Variants in PLXNA4 observed in about 807,000 individuals in gnomAD.
PLXNA4 encodes the protein plexin A4.
A neutral mutation model predicts 191.8 loss-of-function variants in PLXNA4; 44 were observed. The observed-to-expected ratio is 0.23, with a 90% CI of 0.18 to 0.29. PLXNA4 has a LOEUF of 0.29. Among genes scored for constraint, PLXNA4 ranks in the 10% least tolerant of loss-of-function variants. PLXNA4 has a pLI of 1.00. For synonymous variants in PLXNA4, 1,082 were observed against 1,009.5 expected, an observed-to-expected ratio of 1.07 and a Z score of -1.36; for missense variants, 1,800 against 2,488.8, an observed-to-expected ratio of 0.72 and a Z score of 5.89.
At chr7:132,575,084 C>T (rs1339157263) in intron 1 of PLXNA4, among the ~76,000 whole-genome samples, 1 of 152,182 alleles carries the variant, frequency 6.6e-6, no homozygotes, top group African/African-American at 2.4e-5. Context: ...AACACAGGAG[C>T]TTGTACATAT....
At chr7:132,531,670 C>G (rs1799619848) in intron 1 of PLXNA4, among the ~76,000 whole-genome samples, 1 of 152,186 alleles carries the variant, frequency 6.6e-6, no homozygotes, top group Non-Finnish European at 1.5e-5. Context: ...AAATCGAGTT[C>G]AGTTAAGAAC....
intron 1 of PLXNA4, among the ~76,000 whole-genome samples, chr7:132,519,335 G>A (rs1479347216): frequency 1.3e-5 from 2 of 152,184 alleles, no homozygotes; most frequent in African/African-American, 2.4e-5. Context: ...GGTCTTCAAA[G>A]GGGACCCAAT....
chr7:132,247,711 C>A (rs1799107544), intron 4 of PLXNA4, among the ~76,000 whole-genome samples: 1 of 152,146 alleles, frequency 6.6e-6, no homozygotes, highest in Admixed American at 6.5e-5. Context: ...GGCCAGGGAC[C>A]ACATAAAGGT....
chr7:132,613,847 GA>G (rs939294927), intron 2 of PLXNA4, among the ~76,000 whole-genome samples: 2 of 152,004 alleles, frequency 1.3e-5, no homozygotes, highest in Non-Finnish European at 2.9e-5. Flanking sequence ...TTAAATCCAG[GA>G]AAAAAAAGTA....
At chr7:132,546,568 G>C (rs563216067) in intron 1 of PLXNA4, among the ~76,000 whole-genome samples, 25 of 152,190 alleles carry the variant, frequency 1.6e-4, no homozygotes, top group Non-Finnish European at 3.5e-4. Context: ...GGAACAGAAG[G>C]GGGCAGGTGC....
At chr7:132,299,251 G>A (rs1801218768) in intron 3 of PLXNA4, among the ~76,000 whole-genome samples, 1 of 152,208 alleles carries the variant, frequency 6.6e-6, no homozygotes, top group African/African-American at 2.4e-5. Flanking sequence ...CGTAATTTTA[G>A]AGATTTCAAC....
chr7:132,293,689 T>C (rs760479342), intron 4 of PLXNA4, among the ~76,000 whole-genome samples: 2 of 152,204 alleles, frequency 1.3e-5, no homozygotes, highest in Non-Finnish European at 2.9e-5. Context: ...AGCACACATT[T>C]TCTACCACCA....
At chr7:132,387,377 A>G (rs188084600) in intron 3 of PLXNA4, among the ~76,000 whole-genome samples, 222 of 152,344 alleles carry the variant, frequency 1.5e-3, no homozygotes, top group Non-Finnish European at 2.3e-3. Context: ...CTCAACCTTC[A>G]CGATGTCTTT....
chr7:132,563,335 CCTT>C (rs1801438115), intron 1 of PLXNA4, among the ~76,000 whole-genome samples: 5 of 111,736 alleles, frequency 4.5e-5, no homozygotes, highest in South Asian at 3.6e-4. Context: ...TCCTCCTCCT[CCTT>C]CTCCTCCTCT....
chr7:132,270,261 T>C (rs1168269507), intron 4 of PLXNA4, among the ~76,000 whole-genome samples: 1 of 152,150 alleles, frequency 6.6e-6, no homozygotes, highest in African/African-American at 2.4e-5. Context: ...AAGTTATATA[T>C]ACCGCGGGAA....
chr7:132,597,168 C>A (rs544507186), intron 2 of PLXNA4, among the ~76,000 whole-genome samples: 1 of 152,270 alleles, frequency 6.6e-6, no homozygotes, highest in South Asian at 2.1e-4. Flanking sequence ...AATTATCATG[C>A]CTTTCCTTGC....
At chr7:132,273,696 G>A (rs975899579) in intron 4 of PLXNA4, among the ~76,000 whole-genome samples, 3 of 152,154 alleles carry the variant, frequency 2.0e-5, no homozygotes, top group Non-Finnish European at 4.4e-5. Context: ...CTTGCTATGA[G>A]ACTTCAGCTT....
chr7:132,567,091 C>G (rs1441557165), intron 1 of PLXNA4, among the ~76,000 whole-genome samples: 1 of 152,068 alleles, frequency 6.6e-6, no homozygotes, highest in Non-Finnish European at 1.5e-5. Context: ...TCCCCATGGC[C>G]CAATAACCTG....
chr7:132,145,149 G>A lies in PLXNA4; in HGVS notation c.5195C>T (p.Pro1732Leu), dbSNP rs777787885. Residue 1732 changes from proline (P) to leucine (L), a missense_variant, in exon 29 of 32, where the codon CCG becomes CTG. By Grantham distance (98) the Pro-to-Leu change is moderately conservative. This residue lies in a region of PLXNA4 where 101 missense variants were observed against 182.8 expected (regional missense o/e 0.55). Coordinates refer to ENST00000321063, the MANE Select transcript of PLXNA4 (RefSeq NM_020911.2). The part of the protein sequence containing the change: ...EQADKHGIHD[P>L]HVRHTWKSNC... ...GCTCTTCCAGGTATGGCGGACGTGC[G>A]GGTCATGAATGCCATGTTTATCAGC... is the stretch of plus-strand genomic sequence containing the variant. The A allele has an allele frequency of 1.8e-5, 29 of 1,613,972 alleles. No homozygotes were observed. Among genetic ancestry groups the A allele is most frequent in the African/African-American group, 4.0e-5 (3 of 74,888 alleles).
intron 8 of PLXNA4, among the ~76,000 whole-genome samples, chr7:132,224,709 C>T (rs1167513749): frequency 2.0e-5 from 3 of 152,184 alleles, no homozygotes; most frequent in Non-Finnish European, 4.4e-5. Flanking sequence ...GTGGTAAAGA[C>T]AGGGACAGCT....
At chr7:132,395,173 G>T (rs951935694) in intron 3 of PLXNA4, among the ~76,000 whole-genome samples, 5 of 152,216 alleles carry the variant, frequency 3.3e-5, no homozygotes, top group African/African-American at 1.2e-4. Flanking sequence ...AGGCATTCAG[G>T]TGTAGGTCTG....
chr7:132,413,862 A>T (rs1020274279), intron 3 of PLXNA4, among the ~76,000 whole-genome samples: 11 of 152,128 alleles, frequency 7.2e-5, no homozygotes, highest in Admixed American at 6.5e-4. Flanking sequence ...CATATCAACC[A>T]TCCAGTAAAC....
rs150612415 is a variant in PLXNA4, at chr7:132,559,235, A to T, written c.-87+17187T>A. ...ATGTACAAGGGCTGGGAAAAGAGGCATGAGGAGGAATGAACAGAAATCCTG... is the reference window on the plus strand; with the variant it reads ...ATGTACAAGGGCTGGGAAAAGAGGCTTGAGGAGGAATGAACAGAAATCCTG... On this transcript the variant is annotated intron_variant, in intron 1 of 31. Transcript: ENST00000321063. Among the ~76,000 whole-genome samples the T allele has an allele frequency of 2.8e-3, 432 of 152,324 alleles. 4 individuals carry two copies. Among genetic ancestry groups the T allele is most frequent in the African/African-American group, 9.9e-3 (412 of 41,568 alleles).
chr7:132,251,351 T>C (rs780965844), intron 4 of PLXNA4, among the ~76,000 whole-genome samples: 1 of 152,058 alleles, frequency 6.6e-6, no homozygotes. Flanking sequence ...GAACCTACTG[T>C]TGTGTGTTTC....
Sources: gnomAD v4.1 joint callset for allele counts (sites outside exome capture counted in the v4.1 genomes callset) on GRCh38, gnomAD v4.1.1 for gene constraint, gnomAD v4.1.1 regional missense constraint, MANE v1.5 for transcripts, NCBI Gene and HGNC (gene_info 2026-07-23, HGNC 2026-07-21) for gene names.